The following PLCG2 variants were observed in gnomAD, a reference collection of about 807,000 sequenced individuals.
PLCG2 encodes 1-phosphatidylinositol 4,5-bisphosphate phosphodiesterase gamma-2.
Under a neutral mutation model 175.6 loss-of-function variants are expected in PLCG2, and 69 were observed. The observed-to-expected ratio is 0.39, with a 90% CI of 0.32 to 0.48. The LOEUF is 0.48. PLCG2 is among the 20% of genes least tolerant of loss of function. The pLI, the probability that PLCG2 is intolerant of heterozygous loss-of-function variation, is 0.91. For missense variants in PLCG2, 1,798 were observed against 1,650.9 expected (o/e 1.09, Z -1.54); for synonymous variants, 827 against 624.0 (o/e 1.33, Z -4.85).
chr16:81,909,729 A>C (rs557710097), intron 17 of PLCG2, among the ~76,000 whole-genome samples: 1 of 152,166 alleles, frequency 6.6e-6, no homozygotes, highest in Admixed American at 6.5e-5. Flanking sequence ...TTAGAATACT[A>C]ATAACACGCA....
chr16:81,854,489 A>G lies in PLCG2; in HGVS notation c.239A>G (p.Lys80Arg). Residue 80 changes from lysine (K) to arginine (R), a missense_variant, in exon 3 of 33, where the codon AAA becomes AGA. Physicochemically the swap from Lys to Arg is conservative, Grantham distance 26 (BLOSUM62 2). Transcript: ENST00000564138. The stretch of plus-strand genomic sequence containing the variant: ...GAAATCCGCCCAGGGAAGAACTCCA[A>G]AGATTTCGAGCGAGCAAAAGCAGTT... ...IKEIRPGKNSKDFERAKAVRQ... is the reference protein window; with the variant it reads ...IKEIRPGKNSRDFERAKAVRQ... The G allele has an allele frequency of 6.2e-7, 1 of 1,614,112 alleles. No individual in the cohort carries two copies. Among genetic ancestry groups the G allele is most frequent in the Non-Finnish European group, 8.5e-7 (1 of 1,179,916 alleles).
At chr16:81,882,476 T>C (rs1254682341) in intron 8 of PLCG2, among the ~76,000 whole-genome samples, 1 of 152,104 alleles carries the variant, frequency 6.6e-6, no homozygotes, top group Admixed American at 6.5e-5. Flanking sequence ...GAGGAGGCCC[T>C]TGGGTCTGGC....
chr16:81,741,610 G>C (rs149712053), intron 1 of PLCG2, among the ~76,000 whole-genome samples: 155 of 152,288 alleles, frequency 1.0e-3, no homozygotes, highest in Middle Eastern at 6.8e-3. Context: ...AGGAGTTCAA[G>C]ACCAGCCTGG....
chr16:81,880,568 AAC>A (rs112640731), intron 7 of PLCG2, among the ~76,000 whole-genome samples: 40,502 of 152,048 alleles, frequency 0.27, 5,435 homozygotes, highest in Non-Finnish European at 0.28. Flanking sequence ...TAAAGCTTGA[AAC>A]ACAGCAAAAA....
At chr16:81,779,229 G>C (rs567495272), upstream of PLCG2, 20 of 151,666 alleles carry the variant, frequency 1.3e-4, no homozygotes, top group African/African-American at 4.8e-4. Context: ...GAGGCGGGGC[G>C]AGGCTGGGCG....
At chr16:81,905,269 C>G (rs1909316924) in intron 14 of PLCG2, 134 bp from the exon 15 acceptor site, 7 of 664,746 alleles carry the variant, frequency 1.1e-5, no homozygotes, top group Non-Finnish European at 1.6e-5. Flanking sequence ...GCTGAACAGA[C>G]TAAGAGGGAA....
chr16:81,948,190 A>G (rs1911226674), intron 31 of PLCG2, among the ~76,000 whole-genome samples: 1 of 152,198 alleles, frequency 6.6e-6, no homozygotes, highest in African/African-American at 2.4e-5. Context: ...AGGACCATGT[A>G]TTTTTATCTG....
At chr16:81,803,354 C>G (rs747542075) in intron 2 of PLCG2, among the ~76,000 whole-genome samples, 14 of 151,942 alleles carry the variant, frequency 9.2e-5, no homozygotes, top group Admixed American at 8.5e-4. Context: ...CTTCTTTAGC[C>G]TAACATAAGG....
intron 5 of PLCG2, among the ~76,000 whole-genome samples, chr16:81,868,985 C>T (rs1480206747): frequency 6.6e-6 from 1 of 152,238 alleles, no homozygotes; most frequent in African/African-American, 2.4e-5. Flanking sequence ...TCACCCTACC[C>T]TGTGAGTCTG....
chr16:81,908,256 C>T (rs980891975), intron 16 of PLCG2, among the ~76,000 whole-genome samples, 160 bp from the exon 17 acceptor site: 12 of 152,156 alleles, frequency 7.9e-5, no homozygotes, highest in African/African-American at 2.9e-4. Context: ...AGGAGGGTAG[C>T]AGGTGCTGTT....
intron 2 of PLCG2, among the ~76,000 whole-genome samples, chr16:81,845,192 C>T (rs1489642855): frequency 6.6e-6 from 1 of 152,168 alleles, no homozygotes. Context: ...CCTCCTACTT[C>T]AACCTCCCAA....
Position 81,893,459 on chromosome 16 carries a change from G to A in PLCG2, c.987-250G>A, listed in dbSNP as rs4577081. Among the ~76,000 whole-genome samples the A allele has an allele frequency of 3.9e-5, 6 of 152,288 alleles. 1 individual carries two copies. The highest frequency in any genetic ancestry group is 9.6e-5 in the African/African-American group (4 of 41,550). ...CCTCAAAAGAACACGTCCTCTCCAC[G>A]CTTGCATTGCCCAGGTGGTCAGCAG... On this transcript the variant is annotated intron_variant, in intron 11 of 32. Coordinates refer to ENST00000564138, the MANE Select transcript of PLCG2 (RefSeq NM_002661.5).
chr16:81,861,577 C>A (rs1431686178), intron 5 of PLCG2, among the ~76,000 whole-genome samples: 1 of 152,216 alleles, frequency 6.6e-6, no homozygotes, highest in Admixed American at 6.5e-5. Flanking sequence ...GCTGGGCCAC[C>A]CTCTCGTGTT....
chr16:81,754,214 C>T (rs963532651), intron 1 of PLCG2, among the ~76,000 whole-genome samples: 6 of 151,714 alleles, frequency 4.0e-5, no homozygotes, highest in Admixed American at 2.6e-4. Flanking sequence ...GAGAAGCTTC[C>T]TGGGGAAACT....
intron 9 of PLCG2, among the ~76,000 whole-genome samples, chr16:81,886,318 C>G (rs752686744): frequency 6.6e-6 from 1 of 152,188 alleles, no homozygotes; most frequent in South Asian, 2.1e-4. Flanking sequence ...GGAGTTAGGA[C>G]CCGAGCAGCC....
chr16:81,932,072 A>C (rs917080644), intron 25 of PLCG2, among the ~76,000 whole-genome samples: 3 of 152,004 alleles, frequency 2.0e-5, no homozygotes, highest in Admixed American at 6.6e-5. Flanking sequence ...GGGCTCTGGG[A>C]ACATAGCAAA....
At chr16:81,911,134 C>G (rs185440313) in intron 18 of PLCG2, among the ~76,000 whole-genome samples, 109 of 151,968 alleles carry the variant, frequency 7.2e-4, no homozygotes, top group African/African-American at 2.5e-3. Flanking sequence ...GTAGGTCTTG[C>G]GAAGGGTCAA....
Position 81,765,927 on chromosome 16 carries a change from C to T in PLCG2, c.-48+9961C>T, listed in dbSNP as rs184422733. Among the ~76,000 whole-genome samples, 4 of 152,338 alleles carry T rather than the reference C, an allele frequency of 2.6e-5. No homozygotes were observed. The East Asian group carries it at 7.7e-4, about 29-fold the overall frequency. Reference sequence around the variant, plus strand: ...TGGGGGCCCCCACAGGGAGCTAACTCTATTGACGGGGGACCCAGGTAACAG... The same window carrying T: ...TGGGGGCCCCCACAGGGAGCTAACTTTATTGACGGGGGACCCAGGTAACAG... On this transcript the variant is annotated intron_variant, in intron 2 of 5. Coordinates refer to the PLCG2 transcript ENST00000565054.
chr16:81,907,566 T>C (rs965058377), intron 15 of PLCG2, 119 bp from the exon 16 acceptor site: 3 of 590,970 alleles, frequency 5.1e-6, no homozygotes, highest in Non-Finnish European at 9.2e-6. Flanking sequence ...TAAATGTCTA[T>C]GAAACTGGGA....
Sources: gnomAD v4.1 joint callset for allele counts (sites outside exome capture counted in the v4.1 genomes callset) on GRCh38, gnomAD v4.1.1 for gene constraint, MANE v1.5 for transcripts, NCBI Gene and HGNC (gene_info 2026-07-23, HGNC 2026-07-21) for gene names.